LRRC4C: variants seen among roughly 807,000 people sequenced by gnomAD.
The protein encoded by LRRC4C is leucine rich repeat containing 4C.
Under a neutral mutation model 33.6 loss-of-function variants are expected in LRRC4C, and 5 were observed. That is an observed-to-expected ratio of 0.15 (90% CI 0.08 to 0.31). The LOEUF is 0.31. Among genes scored for constraint, LRRC4C ranks in the 10% least tolerant of loss-of-function variants. The pLI is 1.00. For missense variants in LRRC4C, 560 were observed against 796.7 expected, an observed-to-expected ratio of 0.70 and a Z score of 3.58; for synonymous variants, 329 against 302.0, an observed-to-expected ratio of 1.09 and a Z score of -0.93.
chr11:41,099,336 A>G (rs1489685668), intron 1 of LRRC4C, among the ~76,000 whole-genome samples: 1 of 151,706 alleles, frequency 6.6e-6, no homozygotes, highest in Non-Finnish European at 1.5e-5. Flanking sequence ...AAGTCATTCT[A>G]CGAGGCCAGC....
At chr11:40,438,233 C>T (rs989900063) in intron 3 of LRRC4C, among the ~76,000 whole-genome samples, 3 of 152,152 alleles carry the variant, frequency 2.0e-5, no homozygotes, top group Non-Finnish European at 2.9e-5. Flanking sequence ...CCTAGTTGTC[C>T]CTGTAGCTCA....
intron 3 of LRRC4C, among the ~76,000 whole-genome samples, chr11:40,599,158 G>A (rs1320113132): frequency 6.6e-6 from 1 of 151,890 alleles, no homozygotes; most frequent in African/African-American, 2.4e-5. Context: ...CCCTCAGAAG[G>A]GCCTTCATGG....
intron 1 of LRRC4C, among the ~76,000 whole-genome samples, chr11:41,149,031 G>A (rs1943861590): frequency 6.6e-6 from 1 of 152,092 alleles, no homozygotes; most frequent in Non-Finnish European, 1.5e-5. Context: ...ACCATTATTG[G>A]ACACAGCAGA....
Position 40,336,509 on chromosome 11 carries a change from C to T in LRRC4C, c.-269-16788G>A, listed in dbSNP as rs528425130. ...GATCCCCAGCCTCATCTCACTGCTG[C>T]CACCAAGGTTCAGATTCATACAACT... On this transcript the variant is annotated intron_variant, in intron 3 of 6. Transcript: ENST00000528697. Among the ~76,000 whole-genome samples, 12 of 152,240 alleles carry T rather than the reference C, an allele frequency of 7.9e-5. No individual in the cohort carries two copies. In the East Asian group the frequency reaches 2.1e-3, roughly 27 times the overall value.
At chr11:41,330,291 T>C (rs1004552947) in intron 1 of LRRC4C, among the ~76,000 whole-genome samples, 1 of 152,236 alleles carries the variant, frequency 6.6e-6, no homozygotes, top group Non-Finnish European at 1.5e-5. Context: ...TGAATTCTCA[T>C]TACTGTTGTG....
chr11:40,706,345 C>T (rs1263014693), intron 2 of LRRC4C, among the ~76,000 whole-genome samples: 1 of 152,060 alleles, frequency 6.6e-6, no homozygotes, highest in Non-Finnish European at 1.5e-5. Flanking sequence ...GGTTTTAGGG[C>T]TAACATTTAA....
chr11:41,120,206 A>G (rs1190679018), intron 1 of LRRC4C, among the ~76,000 whole-genome samples: 1 of 152,174 alleles, frequency 6.6e-6, no homozygotes, highest in Non-Finnish European at 1.5e-5. Context: ...GCAGCCAGAA[A>G]AAAACTCACA....
chr11:40,909,494 T>C lies in LRRC4C; in HGVS notation c.-407+24141A>G, dbSNP rs553534346. 2.0e-5 allele frequency among the ~76,000 whole-genome samples: 3 copies of C among 152,186 alleles called. No individual in the cohort carries two copies. The South Asian group carries it at 6.2e-4, about 32-fold the overall frequency. On this transcript the variant is annotated intron_variant, in intron 2 of 6. Coordinates refer to ENST00000528697, the MANE Select transcript of LRRC4C (RefSeq NM_001258419.2). ...AACAGCAGATCAGTATCTAAAACAATGAAAATTTTCTAATGACAGTGTATA... is the reference window on the plus strand; with the variant it reads ...AACAGCAGATCAGTATCTAAAACAACGAAAATTTTCTAATGACAGTGTATA...
chr11:41,409,451 G>T (rs559413878), intron 1 of LRRC4C, among the ~76,000 whole-genome samples: 1 of 152,122 alleles, frequency 6.6e-6, no homozygotes, highest in Non-Finnish European at 1.5e-5. Flanking sequence ...AATTTTGCTC[G>T]CATTATTTTA....
At chr11:41,294,320 G>T (rs1316994203) in intron 1 of LRRC4C, among the ~76,000 whole-genome samples, 3 of 152,134 alleles carry the variant, frequency 2.0e-5, no homozygotes, top group African/African-American at 7.2e-5. Context: ...GAGAGAAAAG[G>T]ACTTCGCACA....
At chr11:40,509,487 A>T (rs927007185) in intron 3 of LRRC4C, among the ~76,000 whole-genome samples, 6 of 152,030 alleles carry the variant, frequency 3.9e-5, no homozygotes, top group Admixed American at 2.0e-4. Flanking sequence ...GGTTTTTAAA[A>T]TTTTTTTAAT....
At chr11:40,300,546 G>A (rs1458701019) in intron 4 of LRRC4C, among the ~76,000 whole-genome samples, 1 of 152,182 alleles carries the variant, frequency 6.6e-6, no homozygotes, top group Non-Finnish European at 1.5e-5. Flanking sequence ...TTGAAATACA[G>A]TCATTCCTCT....
At chr11:40,774,022 C>T (rs183020316) in intron 2 of LRRC4C, among the ~76,000 whole-genome samples, 315 of 152,184 alleles carry the variant, frequency 2.1e-3, no homozygotes, top group Middle Eastern at 6.8e-3. Context: ...TCTCTCCTCA[C>T]CTATCCCTGG....
chr11:40,908,593 A>G (rs1644297673), intron 2 of LRRC4C, among the ~76,000 whole-genome samples: 1 of 152,168 alleles, frequency 6.6e-6, no homozygotes, highest in Non-Finnish European at 1.5e-5. Context: ...AAAATATTAC[A>G]TGGTAAATAA....
intron 2 of LRRC4C, among the ~76,000 whole-genome samples, chr11:40,861,826 C>A (rs1458388577): frequency 6.6e-6 from 1 of 152,138 alleles, no homozygotes; most frequent in Non-Finnish European, 1.5e-5. Context: ...TGGGACCAGA[C>A]ATGTCACATG....
intron 1 of LRRC4C, among the ~76,000 whole-genome samples, chr11:41,216,755 C>A (rs1947080073): frequency 1.3e-5 from 2 of 152,150 alleles, no homozygotes; most frequent in African/African-American, 4.8e-5. Flanking sequence ...ATATAATACA[C>A]TGACAAGTAT....
rs71063914 is a variant in LRRC4C, at chr11:41,350,509, C to CAAAAAAAAAAA, written c.-496+108911_-496+108921dup. On this transcript the variant is annotated intron_variant, in intron 1 of 6. Transcript: ENST00000528697. ...TGGGCGACAGAGCAAGACTCCATCT[C>CAAAAAAAAAAA]AAAAAAAAAAAAAAAAAAGAAAGAA... is the stretch of plus-strand genomic sequence containing the variant. 1.3e-4 allele frequency among the ~76,000 whole-genome samples: 14 copies of CAAAAAAAAAAA among 106,452 alleles called. No homozygotes were observed. The East Asian group carries it at 1.3e-3, about 10-fold the overall frequency. 69.8% of individuals were successfully genotyped at this position (106,452 alleles called of 152,430 possible).
chr11:41,179,446 C>T (rs1019763059), intron 1 of LRRC4C, among the ~76,000 whole-genome samples: 2 of 152,160 alleles, frequency 1.3e-5, no homozygotes, highest in African/African-American at 4.8e-5. Flanking sequence ...GATCTGGAAG[C>T]CAATTTCACC....
intron 3 of LRRC4C, among the ~76,000 whole-genome samples, chr11:40,575,306 AT>A: frequency 6.6e-6 from 1 of 152,140 alleles, no homozygotes; most frequent in South Asian, 2.1e-4. Flanking sequence ...TATTCTTTCA[AT>A]TTTTTATTAC....
Sources: allele counts gnomAD v4.1 joint callset (sites outside exome capture counted in the v4.1 genomes callset), GRCh38; gene constraint gnomAD v4.1.1; transcripts MANE v1.5; gene names NCBI Gene and HGNC (gene_info 2026-07-23, HGNC 2026-07-21).